Variants in DTX2 observed in about 807,000 individuals in gnomAD.
DTX2 encodes probable E3 ubiquitin-protein ligase DTX2.
Under a neutral mutation model 55.3 loss-of-function variants are expected in DTX2, and 29 were observed. The ratio of observed to expected loss-of-function variants is 0.52; its 90% CI spans 0.39 to 0.71. The LOEUF (loss-of-function observed/expected upper bound fraction) is 0.71. Among genes scored for constraint, DTX2 ranks in the 30% least tolerant of loss-of-function variants. The pLI, the probability that DTX2 is intolerant of heterozygous loss-of-function variation, is 0.00. For synonymous variants in DTX2, 276 were observed against 340.4 expected, an observed-to-expected ratio of 0.81 and a Z score of 2.08; for missense variants, 537 against 822.5, an observed-to-expected ratio of 0.65 and a Z score of 4.25.
rs143114796 is a variant in DTX2 at position 76,492,151 on chromosome 7, A to G, written c.909-2A>G. On this transcript the variant is annotated splice_acceptor_variant, in intron 4 of 10. Transcript: ENST00000430490. LOFTEE classifies it high-confidence loss of function. ...AGTAAGCTCTGCTCTTTTCTCCCCC[A>G]GTGCCTCCCTCCCCAGCGGTCCCTC... is the stretch of plus-strand genomic sequence containing the variant. 1.4e-4 allele frequency: 165 copies of G among 1,157,026 alleles called. 3 individuals carry two copies. The highest frequency in any genetic ancestry group is 1.2e-3 in the Admixed American group (55 of 45,062). The allele number at this position is 1,157,026 out of a possible 1,614,324, so 71.7% of individuals were successfully genotyped here. A position where few individuals can be genotyped will look rare whatever the true frequency, so the allele number is the denominator to read the frequency against.
chr7:76,466,470 A>G (rs1267945400), intron 2 of DTX2, among the ~76,000 whole-genome samples: 4 of 151,732 alleles, frequency 2.6e-5, no homozygotes, highest in Non-Finnish European at 4.4e-5. Flanking sequence ...AGGTCCCCTT[A>G]GAACATCTAA....
intron 6 of DTX2, among the ~76,000 whole-genome samples, chr7:76,499,445 T>C (rs1251996753): frequency 1.1e-4 from 16 of 151,770 alleles, no homozygotes; most frequent in South Asian, 2.1e-4. Context: ...GCAGGTGCAG[T>C]TGTGAGCCCT....
chr7:76,481,111 G>A (rs71562435), intron 3 of DTX2, among the ~76,000 whole-genome samples: 12,465 of 152,348 alleles, frequency 0.082, 559 homozygotes, highest in Middle Eastern at 0.17. Context: ...ACCACTCAGT[G>A]GCTGTGTGCC....
Position 76,505,569 on chromosome 7 carries a change from G to C in DTX2, c.1837G>C (p.Gly613Arg), listed in dbSNP as rs1252009351. 6.3e-7 allele frequency: 1 copy of C among 1,594,082 alleles called. No individual in the cohort carries two copies. The highest frequency in any genetic ancestry group is 8.5e-7 in the Non-Finnish European group (1 of 1,172,742). Residue 613 changes from glycine to arginine, a missense_variant, in exon 11 of 11, where the codon GGG (glycine) becomes CGG (arginine). Around this residue, in one of 7 missense-constraint regions of DTX2, gnomAD observed 59 missense variants for 54.1 expected, o/e 1.09. Coordinates refer to ENST00000430490, the MANE Select transcript of DTX2 (RefSeq NM_001102594.3). This position sits in a 1 kb window ranked among gnomAD's most constrained non-coding sequence, Gnocchi z 4.4. ...CGTGCTGGCTGAGCTGGCTGCCCAGGGGGTGACCGAGGACTGCCTGGAGCA... is the reference window on the plus strand; with the variant it reads ...CGTGCTGGCTGAGCTGGCTGCCCAGCGGGTGACCGAGGACTGCCTGGAGCA... ...QNVLAELAAQGVTEDCLEQQ is the reference protein window; with the variant it reads ...QNVLAELAAQRVTEDCLEQQ
chr7:76,491,232 G>A (rs953294859), intron 4 of DTX2, among the ~76,000 whole-genome samples: 4 of 151,022 alleles, frequency 2.6e-5, no homozygotes, highest in Non-Finnish European at 5.9e-5. Context: ...TCCTGACCTC[G>A]CGATCCACCC....
At chr7:76,468,063 G>C (rs1428735189) in intron 2 of DTX2, among the ~76,000 whole-genome samples, 1 of 152,294 alleles carries the variant, frequency 6.6e-6, no homozygotes, top group Admixed American at 6.5e-5. Flanking sequence ...GATCCGGGGG[G>C]AATGGAGAGA....
chr7:76,493,834 CTG>C (rs1415884559), intron 5 of DTX2, among the ~76,000 whole-genome samples: 3 of 125,778 alleles, frequency 2.4e-5, no homozygotes, highest in African/African-American at 8.2e-5. Flanking sequence ...TGGGGGTAGA[CTG>C]AGGCCTGCTG....
chr7:76,465,185 G>C (rs1807030219), intron 2 of DTX2, among the ~76,000 whole-genome samples: 2 of 145,934 alleles, frequency 1.4e-5, no homozygotes, highest in South Asian at 4.2e-4. Context: ...AAAAGGGTGG[G>C]TAAGGTGAGG....
intron 7 of DTX2, among the ~76,000 whole-genome samples, chr7:76,501,011 T>C (rs1452910399): frequency 6.6e-6 from 1 of 152,192 alleles, no homozygotes; most frequent in African/African-American, 2.4e-5. Flanking sequence ...CCTGTCCTCC[T>C]GACCTCCTGT....
intron 8 of DTX2, chr7:76,502,708 C>G (rs1484137558): frequency 1.9e-6 from 1 of 526,676 alleles, no homozygotes; most frequent in South Asian, 3.1e-5. Flanking sequence ...ACCCCTCCAG[C>G]CAGGCCTGAG....
Position 76,467,521 on chromosome 7 carries a change from A to G in DTX2, c.-90+3812A>G, listed in dbSNP as rs1807308532. ...GGCTCTTTATATATTGCTGATTTTAATCCTTCGTGTCTATTGCAAATATCT... is the reference window on the plus strand; with the variant it reads ...GGCTCTTTATATATTGCTGATTTTAGTCCTTCGTGTCTATTGCAAATATCT... On this transcript the variant is annotated intron_variant, in intron 2 of 10. Transcript: ENST00000430490. 4.5e-5 allele frequency among the ~76,000 whole-genome samples: 4 copies of G among 89,824 alleles called. No homozygotes were observed. In the South Asian group the frequency reaches 1.9e-3, roughly 43 times the overall value. The allele number at this position is 89,824 out of a possible 152,430, so 58.9% of individuals were successfully genotyped here.
chr7:76,502,355 G>A lies in DTX2; in HGVS notation c.1288G>A (p.Asp430Asn). 8 of 1,611,932 alleles carry A rather than the reference G, an allele frequency of 5.0e-6. No individual in the cohort carries two copies. Among genetic ancestry groups the A allele is most frequent in the Non-Finnish European group, 6.8e-6 (8 of 1,179,626 alleles). ...STASGYSDVT[D>N]SKAIGSLAVG... Reference sequence around the variant, plus strand: ...AGCGTCTGGATACAGCGATGTGACTGACAGCAAGGCAATCGGGTCCCTAGC... The same window carrying A: ...AGCGTCTGGATACAGCGATGTGACTAACAGCAAGGCAATCGGGTCCCTAGC... Residue 430 changes from aspartate (D) to asparagine (N), a missense_variant, in exon 8 of 11, where the codon GAC becomes AAC. Coordinates refer to ENST00000430490, the MANE Select transcript of DTX2 (RefSeq NM_001102594.3).
In DTX2 at chr7:76,480,668, T is replaced by C; in HGVS notation, c.159T>C (p.Arg53=). The C allele has an allele frequency of 2.5e-6, 4 of 1,613,632 alleles. No homozygotes were observed. Among genetic ancestry groups the C allele is most frequent in the Non-Finnish European group, 3.4e-6 (4 of 1,179,836 alleles). Residue 53 remains arginine, a synonymous_variant, in exon 3 of 11, where the codon CGT becomes CGC. Coordinates refer to ENST00000430490, the MANE Select transcript of DTX2 (RefSeq NM_001102594.3). ...AGTTTGTCCAGCAGAAGGGCCAACGTTTTGGGCTTGGGAGCCTGGCCCACA... is the reference window on the plus strand; with the variant it reads ...AGTTTGTCCAGCAGAAGGGCCAACGCTTTGGGCTTGGGAGCCTGGCCCACA... ...EQQFVQQKGQ[R]FGLGSLAHSI...
chr7:76,495,301 G>A (rs1810808235), intron 5 of DTX2, among the ~76,000 whole-genome samples: 1 of 146,360 alleles, frequency 6.8e-6, no homozygotes, highest in Non-Finnish European at 1.5e-5. Flanking sequence ...TCTCAGCCCT[G>A]GCCCTGGGTG....
Position 76,472,523 on chromosome 7 carries a change from C to T in DTX2, c.-89-7898C>T, listed in dbSNP as rs1405062812. ...TGTATTTTTAGTAGAGACGGGATTT[C>T]ACCATGTTGGCCAGGCTGGTCTCAT... On this transcript the variant is annotated intron_variant, in intron 2 of 10. Coordinates refer to ENST00000430490, the MANE Select transcript of DTX2 (RefSeq NM_001102594.3). Among the ~76,000 whole-genome samples, 4 of 147,950 alleles carry T rather than the reference C, an allele frequency of 2.7e-5. No individual in the cohort carries two copies. The Admixed American group carries it at 2.7e-4, about 10-fold the overall frequency.
intron 6 of DTX2, among the ~76,000 whole-genome samples, chr7:76,498,578 G>T (rs1811200367): frequency 9.7e-6 from 1 of 103,536 alleles, no homozygotes; most frequent in Admixed American, 9.5e-5. Context: ...GGCGGGGGTG[G>T]GATGCTGTGC....
Position 76,505,342 on chromosome 7 carries a change from C to CCTTCCT in DTX2, c.1642-26_1642-21dup. On this transcript the variant is annotated intron_variant, in intron 10 of 10. Transcript: ENST00000430490. This position sits in a 1 kb window ranked among gnomAD's most constrained non-coding sequence, Gnocchi z 4.4. ...GAGCCCCTCTCACTCTCCGTCCCCTCCTTCCTCTTCCCCCTCCTCCTCCCC... is the reference window on the plus strand; with the variant it reads ...GAGCCCCTCTCACTCTCCGTCCCCTCCTTCCTCTTCCTCTTCCCCCTCCTCCTCCCC... 1.3e-6 allele frequency: 2 copies of CCTTCCT among 1,536,192 alleles called. No individual in the cohort carries two copies. Among genetic ancestry groups the CCTTCCT allele is most frequent in the Admixed American group, 3.9e-5 (2 of 51,154 alleles).
intron 2 of DTX2, among the ~76,000 whole-genome samples, chr7:76,466,655 G>A (rs1157955216): frequency 1.3e-5 from 2 of 151,506 alleles, no homozygotes; most frequent in African/African-American, 2.4e-5. Context: ...GCAATGGCAC[G>A]ATCTCGGCTC....
In DTX2 at chr7:76,482,644, G is replaced by T. The variant is rs565972500; in HGVS notation, c.405G>T (p.Gln135His). The T allele has an allele frequency of 1.1e-5, 17 of 1,613,848 alleles. No individual in the cohort carries two copies. The South Asian group carries it at 1.6e-4, about 16-fold the overall frequency. The change falls in exon 4 of 11, where the codon CAG (glutamine) becomes CAT (histidine). Residue 135 changes from glutamine to histidine, a missense_variant. Gln to His is a conservative substitution (Grantham distance 24, BLOSUM62 0). Coordinates refer to ENST00000430490, the MANE Select transcript of DTX2 (RefSeq NM_001102594.3). ...GCGTCTGTGACTATCTGGAGCAGCA[G>T]GTGGCCAGGGGCAACCAGCTCGTGG... ...EASVCDYLEQ[Q>H]VARGNQLVDL... is the part of the protein sequence containing the mutation.
Sources: allele counts gnomAD v4.1 joint callset (sites outside exome capture counted in the v4.1 genomes callset), GRCh38; gene constraint gnomAD v4.1.1; regional missense constraint gnomAD v4.1.1; non-coding constraint Gnocchi (gnomAD v3.1); transcripts MANE v1.5; gene names NCBI Gene and HGNC (gene_info 2026-07-23, HGNC 2026-07-21).